Variants in CRYBG3 observed in about 807,000 individuals in gnomAD.
CRYBG3 encodes the protein crystallin beta-gamma domain containing 3.
Under a neutral mutation model 244.2 loss-of-function variants are expected in CRYBG3, and 127 were observed. The ratio of observed to expected loss-of-function variants is 0.52; its 90% CI spans 0.45 to 0.60. The LOEUF (loss-of-function observed/expected upper bound fraction) is 0.60, where lower values mean the gene tolerates loss of function less well. Among genes scored for constraint, CRYBG3 ranks in the 20% least tolerant of loss-of-function variants. The pLI is 0.00. For missense variants in CRYBG3, 3,325 were observed against 3,442.5 expected (o/e 0.97, Z 0.85); for synonymous variants, 1,132 against 1,195.8 (o/e 0.95, Z 1.10).
intron 1 of CRYBG3, among the ~76,000 whole-genome samples, chr3:97,828,124 C>T (rs887891767): frequency 6.6e-5 from 10 of 152,132 alleles, no homozygotes; most frequent in African/African-American, 2.2e-4. Context: ...GAAACCATAG[C>T]AAGATACCAT....
chr3:97,873,765 T>C lies in CRYBG3; in HGVS notation c.2571T>C (p.Ser857=). ...EPRNISQDKM[S]SFPLKITHVP... The stretch of plus-strand genomic sequence containing the variant: ...GAAACATTTCTCAGGATAAAATGTC[T>C]TCTTTTCCATTGAAAATTACCCATG... The change falls in exon 4 of 22, where the codon TCT becomes TCC. Residue 857 remains serine (S), a synonymous_variant. Coordinates refer to ENST00000389622, the MANE Select transcript of CRYBG3 (RefSeq NM_153605.4). 6.5e-7 allele frequency: 1 copy of C among 1,534,346 alleles called. No homozygotes were observed.
chr3:97,908,649 A>G lies in CRYBG3; in HGVS notation c.8005-3518A>G, dbSNP rs374073765. On this transcript the variant is annotated intron_variant, in intron 15 of 21. Transcript: ENST00000389622. Reference sequence around the variant, plus strand: ...TTTGAGCCTATGTGTGTCTCTGCACATGAGATGGGTTTCCTGAATACAGCA... The same window carrying G: ...TTTGAGCCTATGTGTGTCTCTGCACGTGAGATGGGTTTCCTGAATACAGCA... 2.0e-4 allele frequency among the ~76,000 whole-genome samples: 31 copies of G among 152,242 alleles called. 1 individual carries two copies. In the South Asian group the frequency reaches 2.9e-3, roughly 14 times the overall value.
At chr3:97,827,872 G>A (rs1378315648) in intron 1 of CRYBG3, among the ~76,000 whole-genome samples, 2 of 151,980 alleles carry the variant, frequency 1.3e-5, no homozygotes, top group Admixed American at 6.6e-5. Flanking sequence ...AGCTTCCTCC[G>A]CTTAACTTGG....
At chr3:97,938,343 T>C (rs1319662887) in intron 19 of CRYBG3, among the ~76,000 whole-genome samples, 1 of 152,016 alleles carries the variant, frequency 6.6e-6, no homozygotes, top group Non-Finnish European at 1.5e-5. Flanking sequence ...CACTCTACTT[T>C]CCATCAGCCT....
intron 1 of CRYBG3, among the ~76,000 whole-genome samples, chr3:97,829,637 T>G (rs1458218154): frequency 6.6e-6 from 1 of 152,262 alleles, no homozygotes; most frequent in African/African-American, 2.4e-5. Flanking sequence ...TTCTTCCATG[T>G]GATCCTAACA....
intron 15 of CRYBG3, among the ~76,000 whole-genome samples, chr3:97,902,336 G>C (rs370928202): frequency 6.6e-6 from 1 of 152,052 alleles, no homozygotes; most frequent in African/African-American, 2.4e-5. Context: ...GTGTTATGGT[G>C]ATTAAAAATA....
At position 97,874,752 on chromosome 3, in the gene CRYBG3, T is replaced by C. The variant is rs1373502750; in HGVS notation, c.3558T>C (p.His1186=). 3.9e-6 allele frequency: 6 copies of C among 1,535,858 alleles called. No individual in the cohort carries two copies. In the African/African-American group the frequency reaches 8.2e-5, roughly 21 times the overall value. The change falls in exon 4 of 22, where the codon CAT becomes CAC. Residue 1186 remains histidine (H), a synonymous_variant. Coordinates refer to ENST00000389622, the MANE Select transcript of CRYBG3 (RefSeq NM_153605.4). The part of the protein sequence containing the change: ...AEHIEARRRA[H]DQLLDLKSSL... ...ACATAGAAGCCAGGAGAAGAGCACA[T>C]GACCAACTTTTGGACCTCAAAAGTA...
chr3:97,846,682 T>C (rs1179167446), intron 2 of CRYBG3, among the ~76,000 whole-genome samples: 3 of 152,294 alleles, frequency 2.0e-5, no homozygotes, highest in Non-Finnish European at 4.4e-5. Flanking sequence ...TTTAATCCCA[T>C]GTCTGACACT....
At chr3:97,931,227 C>T (rs1379709862) in intron 17 of CRYBG3, among the ~76,000 whole-genome samples, 2 of 152,106 alleles carry the variant, frequency 1.3e-5, no homozygotes, top group Non-Finnish European at 2.9e-5. Context: ...AAACAGCATT[C>T]ATAGGGTTAC....
chr3:97,856,703 A>G (rs996319114), intron 2 of CRYBG3, among the ~76,000 whole-genome samples: 15 of 152,044 alleles, frequency 9.9e-5, no homozygotes, highest in African/African-American at 3.6e-4. Context: ...TTGTTGGTGT[A>G]TCATTATTCA....
intron 2 of CRYBG3, among the ~76,000 whole-genome samples, chr3:97,853,743 T>G (rs748675437): frequency 3.3e-5 from 5 of 152,152 alleles, no homozygotes; most frequent in Non-Finnish European, 7.3e-5. Context: ...TTTTTAATTA[T>G]GGTCATTTTT....
At chr3:97,942,174 C>CA (rs1386541483) in intron 20 of CRYBG3, 110 bp from the exon 21 acceptor site, 2 of 837,144 alleles carry the variant, frequency 2.4e-6, no homozygotes, top group Non-Finnish European at 3.5e-6. Context: ...TTAGATAAGA[C>CA]ACACACACAC....
intron 1 of CRYBG3, among the ~76,000 whole-genome samples, chr3:97,827,847 A>G (rs1451159474): frequency 3.3e-5 from 5 of 152,206 alleles, no homozygotes; most frequent in Admixed American, 6.5e-5. Context: ...TTCAAAGCCT[A>G]CAGCATTATG....
chr3:97,876,880 C>T lies in CRYBG3; in HGVS notation c.5686C>T (p.Pro1896Ser). The T allele has an allele frequency of 5.0e-6, 7 of 1,410,852 alleles. No homozygotes were observed. Among genetic ancestry groups the T allele is most frequent in the Non-Finnish European group, 6.5e-6 (7 of 1,082,606 alleles). The allele number at this position is 1,410,852 out of a possible 1,614,324, so 87.4% of individuals were successfully genotyped here. Residue 1896 changes from proline (P) to serine (S), a missense_variant, in exon 4 of 22, where the codon CCA (proline) becomes TCA (serine). This residue lies in a region of CRYBG3 where 635 missense variants were observed against 771.7 expected (regional missense o/e 0.82). Coordinates refer to ENST00000389622, the MANE Select transcript of CRYBG3 (RefSeq NM_153605.4). ...AMLPAFESKT[P>S]QEYAEGSVEE... is the part of the protein sequence containing the mutation. ...GCTTCCTGCATTTGAAAGTAAAACACCACAAGAGTATGCTGAAGGGAGTGT... is the reference window on the plus strand; with the variant it reads ...GCTTCCTGCATTTGAAAGTAAAACATCACAAGAGTATGCTGAAGGGAGTGT...
At chr3:97,855,420 G>A (rs900343352) in intron 2 of CRYBG3, among the ~76,000 whole-genome samples, 1 of 152,098 alleles carries the variant, frequency 6.6e-6, no homozygotes, top group East Asian at 1.9e-4. Flanking sequence ...AATAATTGGT[G>A]TTCTTTAACA....
At chr3:97,833,648 C>A (rs2038687573) in intron 1 of CRYBG3, among the ~76,000 whole-genome samples, 1 of 151,980 alleles carries the variant, frequency 6.6e-6, no homozygotes, top group Non-Finnish European at 1.5e-5. Context: ...AGCAAACCAC[C>A]ATGGCACGTG....
intron 17 of CRYBG3, among the ~76,000 whole-genome samples, chr3:97,918,743 G>C (rs1240020616): frequency 6.6e-6 from 1 of 152,180 alleles, no homozygotes; most frequent in Non-Finnish European, 1.5e-5. Context: ...GTTGGCTTTA[G>C]ATACACTTTT....
rs577465364 is a variant in CRYBG3, at chr3:97,830,539, T to A, written c.149+8184T>A. Among the ~76,000 whole-genome samples, 17 of 152,308 alleles carry A rather than the reference T, an allele frequency of 1.1e-4. No individual in the cohort carries two copies. The South Asian group carries it at 2.7e-3, about 24-fold the overall frequency. On this transcript the variant is annotated intron_variant, in intron 1 of 21. Transcript: ENST00000389622. ...GGGTACATGTTAGATATTTTTTTTG[T>A]CTTTGCACTTCTGAAAATACATTTT...
At chr3:97,887,625 G>T (rs1222242776) in intron 8 of CRYBG3, among the ~76,000 whole-genome samples, 1 of 152,070 alleles carries the variant, frequency 6.6e-6, no homozygotes, top group Non-Finnish European at 1.5e-5. Context: ...GCATGGTGGC[G>T]CATTCCTGTA....
Sources: gnomAD v4.1 joint callset for allele counts (sites outside exome capture counted in the v4.1 genomes callset) on GRCh38, gnomAD v4.1.1 for gene constraint, gnomAD v4.1.1 regional missense constraint, MANE v1.5 for transcripts, NCBI Gene and HGNC (gene_info 2026-07-23, HGNC 2026-07-21) for gene names.